Variants in SSH2 observed in about 807,000 individuals in gnomAD.
SSH2 encodes the protein protein phosphatase Slingshot homolog 2.
In SSH2, 37 loss-of-function variants were observed where a neutral mutation model predicts 135.2. The observed-to-expected ratio is 0.27, with a 90% CI of 0.21 to 0.36. The LOEUF is 0.36. Among genes scored for constraint, SSH2 ranks in the 10% least tolerant of loss-of-function variants. The pLI is 1.00. For synonymous variants in SSH2, 628 were observed against 646.2 expected, an observed-to-expected ratio of 0.97 and a Z score of 0.43; for missense variants, 1,408 against 1,765.3, an observed-to-expected ratio of 0.80 and a Z score of 3.63.
chr17:29,657,574 GTTTTTTTTTTT>G (rs764763821), intron 11 of SSH2, among the ~76,000 whole-genome samples: 1 of 80,078 alleles, frequency 1.2e-5, no homozygotes, highest in African/African-American at 5.0e-5. Flanking sequence ...CGGCTACTTT[GTTTTTTTTTTT>G]TTTTTTTTTT....
intron 4 of SSH2, among the ~76,000 whole-genome samples, chr17:29,698,327 G>C (rs2038842905): frequency 6.6e-6 from 1 of 152,142 alleles, no homozygotes; most frequent in African/African-American, 2.4e-5. Flanking sequence ...CTTTAAATGA[G>C]TAAACTGGGT....
At chr17:29,746,673 G>A (rs1394394000) in intron 3 of SSH2, among the ~76,000 whole-genome samples, 1 of 151,966 alleles carries the variant, frequency 6.6e-6, no homozygotes, top group Non-Finnish European at 1.5e-5. Flanking sequence ...TAAAAGGGAC[G>A]TGGGTCAGAG....
In SSH2 at chr17:29,866,687, C is replaced by A. The variant is rs9900381; in HGVS notation, c.64-17758G>T. Among the ~76,000 whole-genome samples, 994 of 152,240 alleles carry A rather than the reference C, an allele frequency of 6.5e-3. 6 individuals are homozygous for A. Among genetic ancestry groups the A allele is most frequent in the African/African-American group, 0.023 (953 of 41,532 alleles). On this transcript the variant is annotated intron_variant, in intron 1 of 15. Transcript: ENST00000540801. ...ATGTGTCTAGTTGCTAATTAAATGG[C>A]TGAGGAGAACTGAAATGGAAATTCA... is the stretch of plus-strand genomic sequence containing the variant.
intron 1 of SSH2, among the ~76,000 whole-genome samples, chr17:29,876,137 C>A: frequency 6.7e-6 from 1 of 150,360 alleles, no homozygotes. Context: ...AGGAAAAACC[C>A]TAAAATTTAT....
rs544729183 is a variant in SSH2, at chr17:29,818,056, C to A, written c.145-24119G>T. ...AAGTGCTAAGATTACAGGCATGAGCCACTGTGCCTGCCTCCCATATACTTT... is the reference window on the plus strand; with the variant it reads ...AAGTGCTAAGATTACAGGCATGAGCAACTGTGCCTGCCTCCCATATACTTT... On this transcript the variant is annotated intron_variant, in intron 2 of 15. Coordinates refer to ENST00000540801, the MANE Select transcript of SSH2 (RefSeq NM_001282129.2). 1.4e-4 allele frequency among the ~76,000 whole-genome samples: 21 copies of A among 152,214 alleles called. No individual in the cohort carries two copies. The South Asian group carries it at 4.4e-3, about 32-fold the overall frequency.
At chr17:29,763,013 C>A (rs559532097) in intron 3 of SSH2, among the ~76,000 whole-genome samples, 1 of 152,202 alleles carries the variant, frequency 6.6e-6, no homozygotes, top group African/African-American at 2.4e-5. Context: ...AAATAATAAG[C>A]CTTTGTTTTA....
intron 3 of SSH2, among the ~76,000 whole-genome samples, chr17:29,704,016 G>A (rs1433910161): frequency 6.6e-6 from 1 of 152,202 alleles, no homozygotes; most frequent in Admixed American, 6.5e-5. Context: ...GTAAAACAGG[G>A]ATAATAAAAT....
At chr17:29,653,666 A>C (rs1333519504) in intron 12 of SSH2, among the ~76,000 whole-genome samples, 2 of 152,072 alleles carry the variant, frequency 1.3e-5, no homozygotes, top group African/African-American at 4.8e-5. Context: ...AGCTCACTGC[A>C]ACCGCCACCT....
intron 3 of SSH2, among the ~76,000 whole-genome samples, chr17:29,724,642 T>C (rs1187653162): frequency 7.9e-6 from 1 of 127,154 alleles, no homozygotes; most frequent in Non-Finnish European, 1.6e-5. Flanking sequence ...CAGGCTGGAG[T>C]GCAGTGGTGC....
chr17:29,648,525 G>A (rs1474043108), intron 13 of SSH2, among the ~76,000 whole-genome samples, 181 bp from the exon 14 acceptor site: 1 of 152,186 alleles, frequency 6.6e-6, no homozygotes, highest in South Asian at 2.1e-4. Context: ...GGTAGAGTGA[G>A]GCAGCTCACT....
At chr17:29,663,731 T>C (rs2037150710) in intron 11 of SSH2, among the ~76,000 whole-genome samples, 1 of 152,226 alleles carries the variant, frequency 6.6e-6, no homozygotes, top group African/African-American at 2.4e-5. Context: ...AAGTAAAAAC[T>C]TCTATGTGAT....
intron 6 of SSH2, among the ~76,000 whole-genome samples, chr17:29,682,224 T>C (rs571316904): frequency 6.6e-6 from 1 of 152,312 alleles, no homozygotes; most frequent in South Asian, 2.1e-4. Flanking sequence ...TATTGTCTTC[T>C]GTCTCTAGGG....
At chr17:29,704,871 C>T (rs1446261480) in intron 3 of SSH2, among the ~76,000 whole-genome samples, 1 of 152,058 alleles carries the variant, frequency 6.6e-6, no homozygotes, top group Non-Finnish European at 1.5e-5. Flanking sequence ...CACAAATAGC[C>T]AAGTTTAGAA....
intron 2 of SSH2, among the ~76,000 whole-genome samples, chr17:29,827,933 T>C (rs1440543700): frequency 6.6e-6 from 1 of 152,206 alleles, no homozygotes; most frequent in African/African-American, 2.4e-5. Flanking sequence ...AACCTCTGCT[T>C]ACCTTCCTGC....
rs771306741 is a variant in SSH2 at position 29,632,642 on chromosome 17, T to C, written c.2552A>G (p.Asn851Ser). ...PELAKDSGMC[N>S]PEGCLTTHSS... ...GTGTGTGGTTAGGCAGCCTTCTGGG[T>C]TGCACATCCCTGAGTCTTTGGCTAG... The change falls in exon 16 of 16, where the codon AAC (asparagine) becomes AGC (serine). Residue 851 changes from asparagine (N) to serine (S), a missense_variant. Asn to Ser is a conservative substitution (Grantham distance 46). Transcript: ENST00000540801. 2.5e-6 allele frequency: 4 copies of C among 1,614,182 alleles called. No individual in the cohort carries two copies. The highest frequency in any genetic ancestry group is 2.2e-5 in the South Asian group (2 of 91,086).
At chr17:29,866,358 G>A (rs1032036505) in intron 1 of SSH2, among the ~76,000 whole-genome samples, 1 of 152,186 alleles carries the variant, frequency 6.6e-6, no homozygotes, top group Non-Finnish European at 1.5e-5. Flanking sequence ...TGCAAAAGCA[G>A]TCATTCATAT....
intron 11 of SSH2, among the ~76,000 whole-genome samples, chr17:29,657,329 G>GCACAATCT (rs1434036717): frequency 4.6e-5 from 7 of 151,416 alleles, no homozygotes; most frequent in Non-Finnish European, 7.4e-5. Context: ...GAGTGCAATG[G>GCACAATCT]CACAATCTCG....
At chr17:29,731,148 A>T (rs892543434) in intron 3 of SSH2, among the ~76,000 whole-genome samples, 1 of 152,216 alleles carries the variant, frequency 6.6e-6, no homozygotes, top group Non-Finnish European at 1.5e-5. Flanking sequence ...AGATAAGGGT[A>T]GTATCTCAAC....
At chr17:29,710,266 TA>T (rs1268835671) in intron 3 of SSH2, among the ~76,000 whole-genome samples, 1 of 152,212 alleles carries the variant, frequency 6.6e-6, no homozygotes, top group Non-Finnish European at 1.5e-5. Flanking sequence ...AAGTAGATGT[TA>T]TACTAAAATG....
Sources: allele counts gnomAD v4.1 joint callset (sites outside exome capture counted in the v4.1 genomes callset), GRCh38; gene constraint gnomAD v4.1.1; transcripts MANE v1.5; gene names NCBI Gene and HGNC (gene_info 2026-07-23, HGNC 2026-07-21).